Variants in TIAM1 observed in about 807,000 individuals in gnomAD.
The protein encoded by TIAM1 is rho guanine nucleotide exchange factor TIAM1.
In TIAM1, 65 loss-of-function variants were observed where a neutral mutation model predicts 163.5. That is an observed-to-expected ratio of 0.40 (90% CI 0.33 to 0.49). The LOEUF is 0.49. Among genes scored for constraint, TIAM1 ranks in the 20% least tolerant of loss-of-function variants. TIAM1 has a pLI of 0.77. For missense variants in TIAM1, 1,789 were observed against 2,044.7 expected, an observed-to-expected ratio of 0.87 and a Z score of 2.41; for synonymous variants, 833 against 810.1, an observed-to-expected ratio of 1.03 and a Z score of -0.48.
At position 31,329,372 on chromosome 21, in the gene TIAM1, G is replaced by A. The variant is rs968436343; in HGVS notation, c.-189+9871C>T. Among the ~76,000 whole-genome samples the A allele has an allele frequency of 4.6e-5, 7 of 152,328 alleles. No homozygotes were observed. The East Asian group carries it at 1.4e-3, about 29-fold the overall frequency. ...GAGGTCGGCTCCCAGAAAAATCCTC[G>A]TAACTGCTCACTTTCGTGCTAAGGT... is the stretch of plus-strand genomic sequence containing the variant. On this transcript the variant is annotated intron_variant, in intron 2 of 27. Coordinates refer to ENST00000541036, the MANE Select transcript of TIAM1 (RefSeq NM_001353694.2).
intron 1 of TIAM1, among the ~76,000 whole-genome samples, chr21:31,528,821 A>G (rs1175029600): frequency 1.6e-5 from 1 of 63,160 alleles, no homozygotes; most frequent in East Asian, 3.1e-3. Context: ...TAAATAAACA[A>G]ACAAATTAAA....
chr21:31,129,115 G>A (rs1309652347), intron 25 of TIAM1, among the ~76,000 whole-genome samples: 2 of 152,184 alleles, frequency 1.3e-5, no homozygotes, highest in Admixed American at 6.5e-5. Flanking sequence ...GTGGGACAGG[G>A]AACAGATGTG....
At chr21:31,228,220 TAAAAAAAAAAAAAAAA>T (rs71191197) in intron 6 of TIAM1, among the ~76,000 whole-genome samples, 298 of 16,256 alleles carry the variant, frequency 0.018, 6 homozygotes, top group Non-Finnish European at 0.028. Flanking sequence ...CTCCTTTTTT[TAAAAAAAAAAAAAAAA>T]AAAAAAAAAA....
At position 31,124,513 on chromosome 21, in the gene TIAM1, C is replaced by T. The variant is rs2082117431; in HGVS notation, c.4306+9G>A. 1 of 1,612,246 alleles carries T rather than the reference C, an allele frequency of 6.2e-7. No individual in the cohort carries two copies. The highest frequency in any genetic ancestry group is 1.1e-5 in the South Asian group (1 of 90,918). On this transcript the variant is annotated intron_variant, in intron 27 of 27. Transcript: ENST00000541036. ...ACGGGAATCTTGAACGTCCGAATCCCCACAGTACCTGCCCTGCTCATGGCC... is the reference window on the plus strand; with the variant it reads ...ACGGGAATCTTGAACGTCCGAATCCTCACAGTACCTGCCCTGCTCATGGCC...
chr21:31,185,144 T>C (rs1260233607), intron 14 of TIAM1, among the ~76,000 whole-genome samples: 1 of 151,982 alleles, frequency 6.6e-6, no homozygotes, highest in Non-Finnish European at 1.5e-5. Flanking sequence ...TCAATACATA[T>C]TATTTTGCCA....
chr21:31,144,025 C>T (rs890401539), intron 20 of TIAM1, among the ~76,000 whole-genome samples: 7 of 152,128 alleles, frequency 4.6e-5, no homozygotes, highest in African/African-American at 1.4e-4. Flanking sequence ...TGAGCCACCG[C>T]ACCCAGCCCT....
chr21:31,224,472 A>T (rs2087815502), intron 7 of TIAM1, among the ~76,000 whole-genome samples: 1 of 152,208 alleles, frequency 6.6e-6, no homozygotes, highest in African/African-American at 2.4e-5. Flanking sequence ...TCAGGGAAGG[A>T]GCCGGACACA....
chr21:31,444,825 C>T (rs1162902808), intron 2 of TIAM1, among the ~76,000 whole-genome samples: 1 of 152,052 alleles, frequency 6.6e-6, no homozygotes, highest in African/African-American at 2.4e-5. Context: ...ATGGTGAAAC[C>T]CCATCTATAC....
At chr21:31,210,568 AAGAAAGAAAGAAAGAAAGAAAGAAAG>A (rs1167793947) in intron 10 of TIAM1, among the ~76,000 whole-genome samples, 29 of 119,988 alleles carry the variant, frequency 2.4e-4, no homozygotes, top group African/African-American at 1.2e-3. Context: ...GAAAGAAAGA[AAGAAAGAAAGAAAGAAAGAAAGAAAG>A]AGAGAAAGAA....
chr21:31,485,034 T>A (rs544446099), intron 1 of TIAM1, among the ~76,000 whole-genome samples: 1 of 152,236 alleles, frequency 6.6e-6, no homozygotes, highest in Non-Finnish European at 1.5e-5. Context: ...TGCCTTGATC[T>A]TGGACTTTCC....
chr21:31,478,993 A>G (rs2046022130), intron 1 of TIAM1, among the ~76,000 whole-genome samples: 1 of 152,234 alleles, frequency 6.6e-6, no homozygotes, highest in Admixed American at 6.5e-5. Context: ...TGCACTAGGA[A>G]AAGAATGTGA....
At chr21:31,526,544 T>C (rs1244569063) in intron 1 of TIAM1, among the ~76,000 whole-genome samples, 1 of 152,214 alleles carries the variant, frequency 6.6e-6, no homozygotes, top group Non-Finnish European at 1.5e-5. Context: ...CTCCCTTTTT[T>C]TCTAAGACGA....
chr21:31,426,566 A>G (rs3787682), intron 2 of TIAM1, among the ~76,000 whole-genome samples: 6,698 of 152,336 alleles, frequency 0.044, 233 homozygotes, highest in East Asian at 0.13. Context: ...AAAACTCAGA[A>G]GTCAGTGGAA....
chr21:31,519,837 T>C (rs1195771304), intron 1 of TIAM1, among the ~76,000 whole-genome samples: 1 of 152,154 alleles, frequency 6.6e-6, no homozygotes. Context: ...ATGAGGTCCC[T>C]AGAGCAGTCG....
intron 2 of TIAM1, among the ~76,000 whole-genome samples, chr21:31,393,406 C>T (rs1192841722): frequency 1.3e-5 from 2 of 152,204 alleles, no homozygotes; most frequent in Non-Finnish European, 2.9e-5. Flanking sequence ...TGAGGCATTA[C>T]TATTCCATGA....
At chr21:31,539,692 G>A (rs1250204192) in intron 1 of TIAM1, among the ~76,000 whole-genome samples, 5 of 152,292 alleles carry the variant, frequency 3.3e-5, no homozygotes, top group East Asian at 3.9e-4. Flanking sequence ...CCTGGCAGAC[G>A]CAGAATTCAG....
chr21:31,334,844 C>A (rs558578734), intron 2 of TIAM1, among the ~76,000 whole-genome samples: 2 of 152,312 alleles, frequency 1.3e-5, no homozygotes, highest in Middle Eastern at 3.4e-3. Context: ...GGGCGCCCAG[C>A]CTTTCCGGAG....
At chr21:31,340,983 T>G (rs2075999145) in intron 1 of TIAM1, among the ~76,000 whole-genome samples, 1 of 152,088 alleles carries the variant, frequency 6.6e-6, no homozygotes, top group African/African-American at 2.4e-5. Context: ...TTGCCCATAA[T>G]GAAGAGAGAA....
At chr21:31,143,604 T>G (rs2082965155) in intron 20 of TIAM1, among the ~76,000 whole-genome samples, 1 of 151,854 alleles carries the variant, frequency 6.6e-6, no homozygotes, top group Non-Finnish European at 1.5e-5. Flanking sequence ...TATTAGAAAG[T>G]TTAAAATATA....
Sources: gnomAD v4.1 joint callset for allele counts (sites outside exome capture counted in the v4.1 genomes callset) on GRCh38, gnomAD v4.1.1 for gene constraint, MANE v1.5 for transcripts, NCBI Gene and HGNC (gene_info 2026-07-23, HGNC 2026-07-21) for gene names.